The following PDE10A variants were observed in gnomAD, a reference collection of about 807,000 sequenced individuals.
PDE10A encodes phosphodiesterase 10A.
In PDE10A, 39 loss-of-function variants were observed where a neutral mutation model predicts 97.7. The ratio of observed to expected loss-of-function variants is 0.40; its 90% CI spans 0.31 to 0.52. The LOEUF (loss-of-function observed/expected upper bound fraction) is 0.52. Ranked by LOEUF, PDE10A falls within the 20% of genes least tolerant of loss-of-function variation. The pLI, the probability that PDE10A is intolerant of heterozygous loss-of-function variation, is 0.56. For missense variants in PDE10A, 731 were observed against 1,047.8 expected, an observed-to-expected ratio of 0.70 and a Z score of 4.17; for synonymous variants, 371 against 376.8, an observed-to-expected ratio of 0.98 and a Z score of 0.18.
chr6:165,626,053 G>T (rs1188203541), intron 1 of PDE10A, among the ~76,000 whole-genome samples: 1 of 152,196 alleles, frequency 6.6e-6, no homozygotes, highest in Non-Finnish European at 1.5e-5. Flanking sequence ...TAGAGATTGA[G>T]AGGATGAAGT....
At chr6:165,724,544 G>A (rs374499950) in intron 1 of PDE10A, among the ~76,000 whole-genome samples, 9 of 152,258 alleles carry the variant, frequency 5.9e-5, no homozygotes, top group East Asian at 3.9e-4. Context: ...TGATATCCTC[G>A]TGGGCTTCGT....
chr6:165,888,098 A>T (rs1256658338), intron 1 of PDE10A, among the ~76,000 whole-genome samples: 2 of 152,104 alleles, frequency 1.3e-5, no homozygotes, highest in Non-Finnish European at 2.9e-5. Flanking sequence ...CCAGTTATTT[A>T]TATGGCTAAT....
intron 3 of PDE10A, among the ~76,000 whole-genome samples, chr6:165,469,012 G>A (rs1583345434): frequency 1.3e-5 from 2 of 152,300 alleles, no homozygotes. Context: ...GGTAATTTAA[G>A]GTCTTGCGAA....
chr6:165,594,650 T>C (rs1467224713), intron 1 of PDE10A, among the ~76,000 whole-genome samples: 1 of 152,202 alleles, frequency 6.6e-6, no homozygotes, highest in Non-Finnish European at 1.5e-5. Flanking sequence ...CATCAATGAA[T>C]AGTAAAACCA....
intron 18 of PDE10A, among the ~76,000 whole-genome samples, chr6:165,348,971 A>G (rs1212097447): frequency 6.6e-6 from 1 of 152,210 alleles, no homozygotes; most frequent in Non-Finnish European, 1.5e-5. Context: ...CTGTGAGTCA[A>G]TTAAACCTCT....
intron 1 of PDE10A, among the ~76,000 whole-genome samples, chr6:165,685,099 T>A (rs1294476260): frequency 6.6e-6 from 1 of 152,204 alleles, no homozygotes; most frequent in Non-Finnish European, 1.5e-5. Flanking sequence ...ACCTTGCTCT[T>A]TAGAATCCTT....
At chr6:165,847,657 T>C (rs959595018) in intron 1 of PDE10A, among the ~76,000 whole-genome samples, 2 of 152,232 alleles carry the variant, frequency 1.3e-5, no homozygotes, top group African/African-American at 4.8e-5. Context: ...TCATTTCTGA[T>C]AACGTCTTGC....
chr6:165,359,177 T>C (rs1400415086), intron 18 of PDE10A, among the ~76,000 whole-genome samples: 1 of 152,114 alleles, frequency 6.6e-6, no homozygotes, highest in Non-Finnish European at 1.5e-5. Flanking sequence ...TCTGTTAATA[T>C]GTTCTATTTA....
intron 13 of PDE10A, among the ~76,000 whole-genome samples, chr6:165,411,849 T>C (rs1186634044): frequency 6.6e-6 from 1 of 152,172 alleles, no homozygotes; most frequent in African/African-American, 2.4e-5. Flanking sequence ...TTGGGGAATA[T>C]GGATAAAGGT....
intron 1 of PDE10A, among the ~76,000 whole-genome samples, chr6:165,952,489 G>T (rs572064720): frequency 6.6e-6 from 1 of 152,306 alleles, no homozygotes; most frequent in African/African-American, 2.4e-5. Flanking sequence ...ACACACATTT[G>T]CAAATTCAAT....
chr6:165,701,136 A>G (rs1791559849), intron 1 of PDE10A, among the ~76,000 whole-genome samples: 1 of 152,262 alleles, frequency 6.6e-6, no homozygotes, highest in Non-Finnish European at 1.5e-5. Flanking sequence ...TGACTGTTCT[A>G]TAAATAGACA....
intron 1 of PDE10A, among the ~76,000 whole-genome samples, chr6:165,698,200 A>G (rs927058613): frequency 5.3e-5 from 8 of 152,192 alleles, no homozygotes. Flanking sequence ...ACTGAATTAT[A>G]CTGAATACTG....
At chr6:165,406,865 T>G (rs928704827) in intron 13 of PDE10A, among the ~76,000 whole-genome samples, 2 of 152,144 alleles carry the variant, frequency 1.3e-5, no homozygotes, top group Non-Finnish European at 2.9e-5. Context: ...ACCCTGTCCT[T>G]GAACATCAGA....
chr6:165,909,193 C>G (rs1196490183), intron 1 of PDE10A: 6 of 152,314 alleles, frequency 3.9e-5, no homozygotes. Flanking sequence ...AAAGGAACTG[C>G]ACTGCGGACT....
At chr6:165,646,000 CA>C (rs1789378593) in intron 1 of PDE10A, among the ~76,000 whole-genome samples, 1 of 152,082 alleles carries the variant, frequency 6.6e-6, no homozygotes, top group Admixed American at 6.5e-5. Context: ...TAAAGGGAGG[CA>C]AAATAACCCA....
At chr6:165,813,505 T>C (rs895461018) in intron 1 of PDE10A, among the ~76,000 whole-genome samples, 3 of 152,194 alleles carry the variant, frequency 2.0e-5, no homozygotes, top group African/African-American at 7.2e-5. Context: ...TCCTACATCC[T>C]AGGCTCCTTC....
intron 1 of PDE10A, among the ~76,000 whole-genome samples, chr6:165,799,647 A>C (rs1159930386): frequency 6.6e-6 from 1 of 152,170 alleles, no homozygotes; most frequent in East Asian, 1.9e-4. Context: ...AGATTTTCAC[A>C]GTTTCCAATC....
chr6:165,437,780 T>C (rs1790127780), intron 5 of PDE10A, among the ~76,000 whole-genome samples: 2 of 152,208 alleles, frequency 1.3e-5, no homozygotes, highest in South Asian at 4.1e-4. Context: ...GTTTCTGACA[T>C]GTTTTCATGG....
rs1179960446 is a variant in PDE10A at position 165,946,581 on chromosome 6, C to A, written c.-615+40948G>T. On this transcript the variant is annotated intron_variant, in intron 1 of 19. Coordinates refer to the PDE10A transcript ENST00000366882. ...ATGCTAAGAGTAGAATTTAAGTGTT[C>A]TCACCACAAAATGACAACTCTGTGC... Among the ~76,000 whole-genome samples, 9 of 151,954 alleles carry A rather than the reference C, an allele frequency of 5.9e-5. No homozygotes were observed. The South Asian group carries it at 1.2e-3, about 21-fold the overall frequency.
Sources: gnomAD v4.1 joint callset for allele counts (sites outside exome capture counted in the v4.1 genomes callset) on GRCh38, gnomAD v4.1.1 for gene constraint, MANE v1.5 for transcripts, NCBI Gene and HGNC (gene_info 2026-07-23, HGNC 2026-07-21) for gene names.